Variants in GLDN observed in about 807,000 individuals in gnomAD.
The protein encoded by GLDN is collomin.
In GLDN, 47 loss-of-function variants were observed where a neutral mutation model predicts 56.5. That is an observed-to-expected ratio of 0.83 (90% CI 0.66 to 1.06). GLDN has a LOEUF of 1.06. Among genes scored for constraint, GLDN ranks in the 50% least tolerant of loss-of-function variants. The probability of loss-of-function intolerance (pLI) is 0.00; values close to 1 mark genes in which losing one functional copy is unlikely to be tolerated. For synonymous variants in GLDN, 332 were observed against 278.8 expected (o/e 1.19, Z -1.90); for missense variants, 782 against 714.3 (o/e 1.09, Z -1.08).
intron 1 of GLDN, among the ~76,000 whole-genome samples, chr15:51,371,228 C>T (rs1331200780): frequency 6.6e-6 from 1 of 152,194 alleles, no homozygotes; most frequent in Non-Finnish European, 1.5e-5. Flanking sequence ...TCCAATAGTA[C>T]ATATAGATCT....
chr15:51,397,452 C>A lies in GLDN; in HGVS notation c.689-18C>A. The A allele has an allele frequency of 1.1e-6, 1 of 940,282 alleles. No homozygotes were observed. The allele number at this position is 940,282 out of a possible 1,614,324, so 58.2% of individuals were successfully genotyped here. On this transcript the variant is annotated intron_variant, in intron 5 of 9. Transcript: ENST00000335449. ...ACCTCTTGCCTCCTTCTCTCCCTTT[C>A]TCTCTCTCTCTCTCCAGGTGCCAAA... is the stretch of plus-strand genomic sequence containing the variant.
intron 1 of GLDN, among the ~76,000 whole-genome samples, chr15:51,361,882 G>A (rs547372452): frequency 4.5e-4 from 69 of 152,278 alleles, no homozygotes; most frequent in African/African-American, 1.6e-3. Flanking sequence ...AGTGAGCCAA[G>A]ATCATGCCAC....
chr15:51,347,066 A>G (rs1397163918), intron 1 of GLDN, among the ~76,000 whole-genome samples: 1 of 152,214 alleles, frequency 6.6e-6, no homozygotes, highest in Non-Finnish European at 1.5e-5. Flanking sequence ...CTCCATCTCA[A>G]AAAAAACAAA....
At position 51,394,921 on chromosome 15, in the gene GLDN, C is replaced by T. The variant is rs1407389723; in HGVS notation, c.628C>T (p.Pro210Ser). 6.2e-7 allele frequency: 1 copy of T among 1,612,448 alleles called. No individual in the cohort carries two copies. Among genetic ancestry groups the T allele is most frequent in the South Asian group, 1.1e-5 (1 of 90,700 alleles). Reference sequence around the variant, plus strand: ...GGGCCTGCAGGGAAATGAGGGCCCACCAGGGCAGAAGGGAGAAAAGGGTGA... The same window carrying T: ...GGGCCTGCAGGGAAATGAGGGCCCATCAGGGCAGAAGGGAGAAAAGGGTGA... ...ELGLQGNEGPPGQKGEKGDKG... is the reference protein window; with the variant it reads ...ELGLQGNEGPSGQKGEKGDKG... The change falls in exon 5 of 10, where the codon CCA becomes TCA. Residue 210 changes from proline (P) to serine (S), a missense_variant. Pro to Ser is a moderately conservative substitution (Grantham distance 74, BLOSUM62 -1). Transcript: ENST00000335449.
chr15:51,403,373 A>G (rs184139540), intron 9 of GLDN, among the ~76,000 whole-genome samples: 1 of 152,158 alleles, frequency 6.6e-6, no homozygotes, highest in Non-Finnish European at 1.5e-5. Context: ...TAGTTTCTTC[A>G]CGGTTTCTTG....
chr15:51,400,134 C>A, intron 6 of GLDN, 58 bp from the exon 7 acceptor site: 1 of 1,474,210 alleles, frequency 6.8e-7, no homozygotes, highest in Non-Finnish European at 9.5e-7. Flanking sequence ...GCTATAAAGT[C>A]CAACAAATCT....
intron 1 of GLDN, among the ~76,000 whole-genome samples, chr15:51,349,405 G>A (rs1299329920): frequency 6.6e-6 from 1 of 152,232 alleles, no homozygotes; most frequent in Admixed American, 6.5e-5. Flanking sequence ...AGTCTAGCCT[G>A]CTATTCTACT....
At chr15:51,412,138 G>C (rs1365835018), downstream of GLDN, among the ~76,000 whole-genome samples, 2 of 152,204 alleles carry the variant, frequency 1.3e-5, no homozygotes, top group African/African-American at 2.4e-5. Flanking sequence ...ATAAGGTATA[G>C]TCTTTTTTAA....
chr15:51,364,613 A>G (rs1478504619), intron 1 of GLDN, among the ~76,000 whole-genome samples: 1 of 152,138 alleles, frequency 6.6e-6, no homozygotes, highest in East Asian at 1.9e-4. Context: ...TTTTTATATC[A>G]TTTATATTTC....
chr15:51,373,315 C>T (rs1203746441), intron 1 of GLDN, among the ~76,000 whole-genome samples: 2 of 152,174 alleles, frequency 1.3e-5, no homozygotes, highest in African/African-American at 4.8e-5. Context: ...TCTTGTGGAA[C>T]CCAAGTATAT....
At chr15:51,385,451 A>G (rs2037870188) in intron 4 of GLDN, 1 of 151,204 alleles carries the variant, frequency 6.6e-6, no homozygotes, top group African/African-American at 2.5e-5. Flanking sequence ...GGCAGGTACC[A>G]TTCTAGATGC....
chr15:51,383,755 TAATGTCCC>T lies in GLDN; in HGVS notation c.434-29_434-22del. The T allele has an allele frequency of 3.4e-6, 5 of 1,465,070 alleles. No individual in the cohort carries two copies. The Admixed American group carries it at 6.8e-5, about 20-fold the overall frequency. The allele number at this position is 1,465,070 out of a possible 1,614,324, so 90.8% of individuals were successfully genotyped here. A position where few individuals can be genotyped will look rare whatever the true frequency, so the allele number is the denominator to read the frequency against. The stretch of plus-strand genomic sequence containing the variant: ...GAATAATTTTTTTTTTTTTTTTGGT[TAATGTCCC>T]TGTTTCTGTGTTTTGATGCAGGACC... On this transcript the variant is annotated intron_variant, in intron 3 of 9. Transcript: ENST00000335449.
downstream of GLDN, among the ~76,000 whole-genome samples, chr15:51,412,728 A>G (rs2038479891): frequency 6.6e-6 from 1 of 151,826 alleles, no homozygotes. Flanking sequence ...CTTTTAATTG[A>G]GATATTTAGA....
At position 51,394,006 on chromosome 15, in the gene GLDN, T is replaced by A. The variant is rs148662664; in HGVS notation, c.542-829T>A. Among the ~76,000 whole-genome samples, 333 of 152,342 alleles carry A rather than the reference T, an allele frequency of 2.2e-3. 2 individuals are homozygous for A. The highest frequency in any genetic ancestry group is 7.6e-3 in the African/African-American group (316 of 41,582). On this transcript the variant is annotated intron_variant, in intron 4 of 9. Transcript: ENST00000335449. ...ATTGGAATGTCACAGAAAAGGGCATTGGAGATGGAATCAGAGGTGCTTTGC... is the reference window on the plus strand; with the variant it reads ...ATTGGAATGTCACAGAAAAGGGCATAGGAGATGGAATCAGAGGTGCTTTGC...
At chr15:51,357,134 G>A (rs1566936855) in intron 1 of GLDN, among the ~76,000 whole-genome samples, 1 of 152,148 alleles carries the variant, frequency 6.6e-6, no homozygotes. Flanking sequence ...CTGTAGTTGG[G>A]CAACCCTTCC....
At chr15:51,394,011 A>G (rs2038073250) in intron 4 of GLDN, among the ~76,000 whole-genome samples, 1 of 152,204 alleles carries the variant, frequency 6.6e-6, no homozygotes, top group African/African-American at 2.4e-5. Flanking sequence ...GGCATTGGAG[A>G]TGGAATCAGA....
intron 6 of GLDN, among the ~76,000 whole-genome samples, chr15:51,398,239 A>T (rs2038176974): frequency 6.6e-6 from 1 of 152,262 alleles, no homozygotes; most frequent in South Asian, 2.1e-4. Flanking sequence ...CCATTTAGAT[A>T]GAAATTCACA....
intron 4 of GLDN, among the ~76,000 whole-genome samples, chr15:51,391,464 C>A (rs570986654): frequency 6.6e-6 from 1 of 152,334 alleles, no homozygotes; most frequent in East Asian, 1.9e-4. Context: ...TGAGACCTTT[C>A]GAAGGTGTCA....
intron 1 of GLDN, among the ~76,000 whole-genome samples, chr15:51,370,978 G>A (rs1471960694): frequency 6.6e-6 from 1 of 151,954 alleles, no homozygotes; most frequent in Non-Finnish European, 1.5e-5. Flanking sequence ...ATGGGCAACA[G>A]AGTGAGACTC....
Sources: allele counts gnomAD v4.1 joint callset (sites outside exome capture counted in the v4.1 genomes callset), GRCh38; gene constraint gnomAD v4.1.1; transcripts MANE v1.5; gene names NCBI Gene and HGNC (gene_info 2026-07-23, HGNC 2026-07-21).